Variants in MDFIC2 observed in about 807,000 individuals in gnomAD.
MDFIC2 encodes the protein myoD family inhibitor domain-containing protein 2.
chr3:70,209,105 G>A (rs1478030636), intron 2 of MDFIC2, among the ~76,000 whole-genome samples: 4 of 151,996 alleles, frequency 2.6e-5, no homozygotes, highest in African/African-American at 9.7e-5. Flanking sequence ...TTTCTTACTT[G>A]GGTATCAAGG....
chr3:70,212,894 G>A lies in MDFIC2; in HGVS notation c.89-6104C>T, dbSNP rs535858952. On this transcript the variant is annotated intron_variant, in intron 2 of 3. Coordinates refer to ENST00000567252, the MANE Select transcript of MDFIC2 (RefSeq NM_001364677.1). ...CTGCAGCTTCAACCTCCCAGACTCA[G>A]GTGATCCTCCCATCTCAGTCTCCTG... Among the ~76,000 whole-genome samples, 4 of 152,054 alleles carry A rather than the reference G, an allele frequency of 2.6e-5. No homozygotes were observed. In the East Asian group the frequency reaches 7.8e-4, roughly 30 times the overall value.
intron 2 of MDFIC2, among the ~76,000 whole-genome samples, chr3:70,308,265 C>G (rs576284171): frequency 2.6e-5 from 4 of 151,378 alleles, no homozygotes; most frequent in African/African-American, 9.7e-5. Context: ...GAGATGGTAT[C>G]TCACCACTGG....
At chr3:70,216,939 A>G (rs1333860089) in intron 2 of MDFIC2, among the ~76,000 whole-genome samples, 1 of 152,196 alleles carries the variant, frequency 6.6e-6, no homozygotes, top group African/African-American at 2.4e-5. Context: ...ACCAAAACCC[A>G]TAAAAAATGT....
At chr3:70,229,365 C>A (rs906192146) in intron 2 of MDFIC2, among the ~76,000 whole-genome samples, 3 of 152,128 alleles carry the variant, frequency 2.0e-5, no homozygotes, top group Non-Finnish European at 4.4e-5. Flanking sequence ...ATATCCGATC[C>A]TTCAAATATG....
chr3:70,248,903 C>T (rs1302263395), intron 2 of MDFIC2, among the ~76,000 whole-genome samples: 1 of 152,070 alleles, frequency 6.6e-6, no homozygotes. Flanking sequence ...AATCTACTTA[C>T]CAGGAAATGG....
intron 2 of MDFIC2, among the ~76,000 whole-genome samples, chr3:70,227,789 G>A (rs1381306413): frequency 1.3e-5 from 2 of 152,126 alleles, no homozygotes; most frequent in East Asian, 3.9e-4. Context: ...TACAAATGAG[G>A]AGGCTGAGGC....
Position 70,207,167 on chromosome 3 carries a change from T to C in MDFIC2, c.89-377A>G, listed in dbSNP as rs191253188. Among the ~76,000 whole-genome samples, 849 of 152,112 alleles carry C rather than the reference T, an allele frequency of 5.6e-3. 7 individuals carry two copies. The highest frequency in any genetic ancestry group is 0.02 in the African/African-American group (814 of 41,514). On this transcript the variant is annotated intron_variant, in intron 2 of 3. Transcript: ENST00000567252. ...TCTGAGGAAAAGGATAAGGATCTTA[T>C]GTGGTGGGCAATACTGCTGAGTTAT...
intron 2 of MDFIC2, among the ~76,000 whole-genome samples, chr3:70,242,280 C>T (rs1276180439): frequency 2.0e-5 from 3 of 152,148 alleles, no homozygotes; most frequent in Non-Finnish European, 4.4e-5. Flanking sequence ...GCTCTGATAA[C>T]ATCTCTTTGG....
chr3:70,198,082 A>G lies in MDFIC2; in HGVS notation c.311-897T>C, dbSNP rs192661939. The stretch of plus-strand genomic sequence containing the variant: ...ACTTTTCTTTCTTTTAAGTTAAAAA[A>G]GTCTAAAAAATGTGTGAGTGCTTTG... On this transcript the variant is annotated intron_variant, in intron 3 of 3. Transcript: ENST00000567252. 2.6e-3 allele frequency among the ~76,000 whole-genome samples: 389 copies of G among 152,308 alleles called. 1 individual carries two copies. Among genetic ancestry groups the G allele is most frequent in the Non-Finnish European group, 4.5e-3 (305 of 68,004 alleles).
chr3:70,218,743 A>G (rs1701436471), intron 2 of MDFIC2, among the ~76,000 whole-genome samples: 1 of 152,122 alleles, frequency 6.6e-6, no homozygotes, highest in South Asian at 2.1e-4. Flanking sequence ...GATTTGAGCT[A>G]TAACAATAAA....
chr3:70,267,570 T>TG (rs1491152256), intron 2 of MDFIC2, among the ~76,000 whole-genome samples: 2 of 36,970 alleles, frequency 5.4e-5, no homozygotes, highest in Admixed American at 3.9e-4. Flanking sequence ...GCCCGGCTAA[T>TG]TTTTTGTATT....
rs145977466 is a variant in MDFIC2, at chr3:70,212,308, G to A, written c.89-5518C>T. On this transcript the variant is annotated intron_variant, in intron 2 of 3. Coordinates refer to ENST00000567252, the MANE Select transcript of MDFIC2 (RefSeq NM_001364677.1). ...TGGACATTTTTTGTGGGTAACTAGC[G>A]AAATCCTTTCAATTATGATGCCTCT... Among the ~76,000 whole-genome samples the A allele has an allele frequency of 4.6e-5, 7 of 152,212 alleles. No homozygotes were observed. In the East Asian group the frequency reaches 7.7e-4, roughly 17 times the overall value.
At chr3:70,272,927 A>C (rs1430140099) in intron 2 of MDFIC2, among the ~76,000 whole-genome samples, 1 of 152,248 alleles carries the variant, frequency 6.6e-6, no homozygotes, top group East Asian at 1.9e-4. Flanking sequence ...ACATTCTGCA[A>C]AAACCCTGAG....
intron 2 of MDFIC2, among the ~76,000 whole-genome samples, chr3:70,274,088 T>TGTGTGTGC (rs748524601): frequency 6.8e-6 from 1 of 146,302 alleles, no homozygotes; most frequent in South Asian, 2.2e-4. Context: ...TGTGTGTGTG[T>TGTGTGTGC]GTGCGCGCGC....
intron 2 of MDFIC2, among the ~76,000 whole-genome samples, chr3:70,238,605 G>T (rs1460947759): frequency 6.6e-6 from 1 of 151,352 alleles, no homozygotes; most frequent in Non-Finnish European, 1.5e-5. Flanking sequence ...GTGAGCACTT[G>T]TCTCAAAAAA....
At chr3:70,288,907 G>C (rs9824739) in intron 2 of MDFIC2, among the ~76,000 whole-genome samples, 8,063 of 151,316 alleles carry the variant, frequency 0.053, 549 homozygotes, top group East Asian at 0.36. Context: ...TTTTCCATTT[G>C]CTTGGTAGAT....
At chr3:70,300,844 A>G (rs1056469927) in intron 2 of MDFIC2, among the ~76,000 whole-genome samples, 29 of 152,044 alleles carry the variant, frequency 1.9e-4, no homozygotes, top group Non-Finnish European at 2.5e-4. Flanking sequence ...AGCTATACCA[A>G]ATTTGGACAC....
chr3:70,304,115 A>C (rs990270752), intron 2 of MDFIC2, among the ~76,000 whole-genome samples: 1 of 152,104 alleles, frequency 6.6e-6, no homozygotes, highest in Admixed American at 6.6e-5. Context: ...GAAAGGCTCT[A>C]GGGCCTGCTT....
intron 2 of MDFIC2, among the ~76,000 whole-genome samples, chr3:70,222,391 T>C (rs2106737725): frequency 6.6e-6 from 1 of 152,296 alleles, no homozygotes; most frequent in Non-Finnish European, 1.5e-5. Context: ...GTCAAATGAG[T>C]TATAGAAAAC....
Sources: gnomAD v4.1 joint callset for allele counts (sites outside exome capture counted in the v4.1 genomes callset) on GRCh38, gnomAD v4.1.1 for gene constraint, MANE v1.5 for transcripts, NCBI Gene and HGNC (gene_info 2026-07-23, HGNC 2026-07-21) for gene names.